Variants in ATRNL1 observed in about 807,000 individuals in gnomAD.
The protein encoded by ATRNL1 is attractin like 1, also known as attractin-like protein 1.
ATRNL1 carries 95 observed loss-of-function variants against 182.7 expected under a neutral mutation model. The observed-to-expected ratio is 0.52, with a 90% CI of 0.44 to 0.62. The LOEUF is 0.62. Ranked by LOEUF, ATRNL1 falls within the 20% of genes least tolerant of loss-of-function variation. The pLI, the probability that ATRNL1 is intolerant of heterozygous loss-of-function variation, is 0.00. For synonymous variants in ATRNL1, 576 were observed against 568.3 expected, an observed-to-expected ratio of 1.01 and a Z score of -0.19; for missense variants, 1,471 against 1,679.5, an observed-to-expected ratio of 0.88 and a Z score of 2.17.
chr10:115,710,484 T>G (rs1947031036), intron 26 of ATRNL1, among the ~76,000 whole-genome samples: 1 of 152,130 alleles, frequency 6.6e-6, no homozygotes, highest in Admixed American at 6.6e-5. Flanking sequence ...TGAATCAAGA[T>G]AGAGTAATTA....
At chr10:115,435,371 C>T (rs1311122161) in intron 21 of ATRNL1, among the ~76,000 whole-genome samples, 14 of 152,276 alleles carry the variant, frequency 9.2e-5, no homozygotes, top group South Asian at 4.1e-4. Context: ...AAGGCAACTT[C>T]AGTTCCTTCT....
At chr10:115,495,275 TG>T (rs1223852840) in intron 24 of ATRNL1, among the ~76,000 whole-genome samples, 6 of 152,012 alleles carry the variant, frequency 3.9e-5, no homozygotes, top group Non-Finnish European at 8.8e-5. Context: ...AAGAATGAAG[TG>T]GGTTTGTTAA....
At chr10:115,820,027 C>G (rs1484298949) in intron 27 of ATRNL1, 1 of 152,030 alleles carries the variant, frequency 6.6e-6, no homozygotes, top group African/African-American at 2.4e-5. Context: ...TTACTACAGC[C>G]CCAAATCCAC....
At chr10:115,278,088 C>T (rs1490604751) in intron 13 of ATRNL1, among the ~76,000 whole-genome samples, 1 of 152,100 alleles carries the variant, frequency 6.6e-6, no homozygotes, top group Non-Finnish European at 1.5e-5. Context: ...GCCTCATTCC[C>T]AGGGGTCTGC....
intron 26 of ATRNL1, among the ~76,000 whole-genome samples, chr10:115,581,839 A>T (rs1385387323): frequency 6.6e-6 from 1 of 150,648 alleles, no homozygotes; most frequent in Non-Finnish European, 1.5e-5. Flanking sequence ...GGTGCACTGC[A>T]CCCACTAACT....
At chr10:115,553,778 GTAA>G (rs1280410318) in intron 26 of ATRNL1, among the ~76,000 whole-genome samples, 1 of 151,352 alleles carries the variant, frequency 6.6e-6, no homozygotes, top group Admixed American at 6.6e-5. Flanking sequence ...CCAGACAAAA[GTAA>G]TAATATTAAA....
intron 26 of ATRNL1, among the ~76,000 whole-genome samples, chr10:115,598,579 G>A (rs1184428515): frequency 6.6e-6 from 1 of 151,590 alleles, no homozygotes; most frequent in Non-Finnish European, 1.5e-5. Flanking sequence ...GGGCAGGATG[G>A]TCTCAATCTG....
intron 24 of ATRNL1, among the ~76,000 whole-genome samples, chr10:115,516,148 G>A (rs566599182): frequency 6.6e-6 from 1 of 151,802 alleles, no homozygotes; most frequent in East Asian, 1.9e-4. Context: ...ACATTTAATA[G>A]GTATTTCACA....
chr10:115,878,300 GA>G (rs1194799050), intron 28 of ATRNL1, among the ~76,000 whole-genome samples: 2 of 152,232 alleles, frequency 1.3e-5, no homozygotes, highest in East Asian at 3.8e-4. Context: ...TCATTACAAT[GA>G]AAGACATAAT....
At chr10:115,470,096 C>T (rs1306216280) in intron 24 of ATRNL1, among the ~76,000 whole-genome samples, 1 of 150,150 alleles carries the variant, frequency 6.7e-6, no homozygotes, top group African/African-American at 2.4e-5. Context: ...TCAGATCATC[C>T]CTTCCCTATA....
intron 1 of ATRNL1, among the ~76,000 whole-genome samples, chr10:115,098,767 T>C (rs989769225): frequency 4.6e-5 from 7 of 152,066 alleles, no homozygotes; most frequent in Non-Finnish European, 8.8e-5. Context: ...ACTTAAATAC[T>C]AGTTTCTAAA....
chr10:115,432,005 T>C (rs1554964079), intron 21 of ATRNL1, among the ~76,000 whole-genome samples: 1 of 152,124 alleles, frequency 6.6e-6, no homozygotes, highest in African/African-American at 2.4e-5. Context: ...ATTTTTCTTC[T>C]ATGTCAATGT....
At chr10:115,205,094 A>G (rs1848745995) in intron 8 of ATRNL1, among the ~76,000 whole-genome samples, 1 of 151,984 alleles carries the variant, frequency 6.6e-6, no homozygotes, top group Non-Finnish European at 1.5e-5. Flanking sequence ...ATTTTATTGT[A>G]TATTCCTTAG....
At chr10:115,235,398 C>T (rs1270149705) in intron 9 of ATRNL1, among the ~76,000 whole-genome samples, 3 of 152,114 alleles carry the variant, frequency 2.0e-5, no homozygotes, top group African/African-American at 2.4e-5. Context: ...TCTCTATCTC[C>T]ATCTTCTGGC....
chr10:115,810,552 TATA>T (rs1950024378), intron 27 of ATRNL1, among the ~76,000 whole-genome samples: 1 of 152,000 alleles, frequency 6.6e-6, no homozygotes, highest in Non-Finnish European at 1.5e-5. Context: ...AAGTGGCAAT[TATA>T]GTAGTAAGTT....
chr10:115,504,416 G>A (rs1554980796), intron 24 of ATRNL1, among the ~76,000 whole-genome samples: 1 of 151,982 alleles, frequency 6.6e-6, no homozygotes, highest in Non-Finnish European at 1.5e-5. Flanking sequence ...CTGTGGACTA[G>A]TCCACCTAAA....
At chr10:115,478,697 T>G (rs1247285633) in intron 24 of ATRNL1, among the ~76,000 whole-genome samples, 4 of 151,702 alleles carry the variant, frequency 2.6e-5, no homozygotes, top group African/African-American at 9.7e-5. Flanking sequence ...ATATATTGTA[T>G]TAAAATATTA....
chr10:115,372,010 C>T (rs543779168), intron 19 of ATRNL1, among the ~76,000 whole-genome samples: 1 of 152,266 alleles, frequency 6.6e-6, no homozygotes, highest in South Asian at 2.1e-4. Flanking sequence ...TTTCTCTGCA[C>T]AAGCTCTCTT....
chr10:115,568,949 A>G lies in ATRNL1; in HGVS notation c.3795+19413A>G, dbSNP rs546654122. On this transcript the variant is annotated intron_variant, in intron 26 of 28. Coordinates refer to ENST00000355044, the MANE Select transcript of ATRNL1 (RefSeq NM_207303.4). ...TGTAAACATGTATCCCTCCTTTATT[A>G]TACAAAAATAATATATTTCTGTATT... Among the ~76,000 whole-genome samples the G allele has an allele frequency of 8.7e-4, 132 of 152,106 alleles. 1 individual carries two copies. Among genetic ancestry groups the G allele is most frequent in the Admixed American group, 1.4e-3 (21 of 15,266 alleles).
Sources: gnomAD v4.1 joint callset for allele counts (sites outside exome capture counted in the v4.1 genomes callset) on GRCh38, gnomAD v4.1.1 for gene constraint, MANE v1.5 for transcripts, NCBI Gene and HGNC (gene_info 2026-07-23, HGNC 2026-07-21) for gene names.